The following PTPRD variants were observed in gnomAD, a reference collection of about 807,000 sequenced individuals.
The protein encoded by PTPRD is receptor-type tyrosine-protein phosphatase delta.
Under a neutral mutation model 214.5 loss-of-function variants are expected in PTPRD, and 34 were observed. The ratio of observed to expected loss-of-function variants is 0.16; its 90% CI spans 0.12 to 0.21. PTPRD has a LOEUF of 0.21. Among genes scored for constraint, PTPRD ranks in the 10% least tolerant of loss-of-function variants. The pLI is 1.00. For missense variants in PTPRD, 2,545 were observed against 2,398.7 expected (o/e 1.06, Z -1.27); for synonymous variants, 1,128 against 845.7 (o/e 1.33, Z -5.79).
At position 8,470,669 on chromosome 9, in the gene PTPRD, T is replaced by C. The variant is rs77878778; in HGVS notation, c.3504+326A>G. On this transcript the variant is annotated intron_variant, in intron 31 of 45. Transcript: ENST00000381196. ...AAGGGGACCTTGGGATTTATACCAA[T>C]GGTGATTAAGTCTTTGCTGACAATT... 7.2e-3 allele frequency among the ~76,000 whole-genome samples: 1,097 copies of C among 152,266 alleles called. 17 individuals are homozygous for C. The highest frequency in any genetic ancestry group is 0.025 in the African/African-American group (1,045 of 41,566).
chr9:9,009,489 G>A (rs1283095230), intron 11 of PTPRD, among the ~76,000 whole-genome samples: 1 of 152,038 alleles, frequency 6.6e-6, no homozygotes, highest in African/African-American at 2.4e-5. Flanking sequence ...GTAAATGTGT[G>A]CCATAGGGGT....
intron 5 of PTPRD, among the ~76,000 whole-genome samples, chr9:9,902,544 C>G (rs1036788381): frequency 2.6e-5 from 4 of 152,088 alleles, no homozygotes; most frequent in African/African-American, 7.2e-5. Flanking sequence ...GTATTTAAAA[C>G]CTCAATTTTA....
At chr9:8,626,067 A>G (rs1359157162) in intron 14 of PTPRD, among the ~76,000 whole-genome samples, 1 of 151,816 alleles carries the variant, frequency 6.6e-6, no homozygotes, top group African/African-American at 2.4e-5. Context: ...CATTTGGCAT[A>G]TCTGTGCCCT....
rs145012663 is a variant in PTPRD at position 10,123,944 on chromosome 9, G to C, written c.-544-90154C>G. 3.4e-3 allele frequency among the ~76,000 whole-genome samples: 524 copies of C among 152,260 alleles called. 2 individuals are homozygous for C. The highest frequency in any genetic ancestry group is 0.012 in the African/African-American group (492 of 41,566). On this transcript the variant is annotated intron_variant, in intron 3 of 45. Transcript: ENST00000381196. ...ATATTGATATTCATGTTACTAGTAA[G>C]CATGTGTTCTTTACAACAATTTGCC... is the stretch of plus-strand genomic sequence containing the variant.
At chr9:8,712,764 G>A (rs2098368467) in intron 12 of PTPRD, among the ~76,000 whole-genome samples, 1 of 152,146 alleles carries the variant, frequency 6.6e-6, no homozygotes, top group Non-Finnish European at 1.5e-5. Context: ...TGTTGCCCAG[G>A]CTGGAGTGCA....
intron 2 of PTPRD, among the ~76,000 whole-genome samples, chr9:10,491,568 G>C (rs1447887356): frequency 6.6e-6 from 1 of 151,686 alleles, no homozygotes; most frequent in African/African-American, 2.4e-5. Context: ...AAATTATAAA[G>C]GGCCAAATGA....
chr9:8,384,116 T>C (rs1001288825), intron 37 of PTPRD, among the ~76,000 whole-genome samples: 4 of 152,202 alleles, frequency 2.6e-5, no homozygotes, highest in African/African-American at 4.8e-5. Flanking sequence ...ACCTCGGAGA[T>C]GCCAATTCTG....
chr9:9,738,672 C>G (rs1289844914), intron 6 of PTPRD, among the ~76,000 whole-genome samples: 1 of 151,954 alleles, frequency 6.6e-6, no homozygotes, highest in Non-Finnish European at 1.5e-5. Flanking sequence ...GAACTCCTGA[C>G]CTCAAGTGAT....
In PTPRD at chr9:10,092,376, C is replaced by T. The variant is rs559306073; in HGVS notation, c.-544-58586G>A. Among the ~76,000 whole-genome samples, 12 of 151,412 alleles carry T rather than the reference C, an allele frequency of 7.9e-5. No individual in the cohort carries two copies. In the East Asian group the frequency reaches 1.6e-3, roughly 20 times the overall value. ...CTTGACAGAACATTGTAGACCAATC[C>T]ATTAATTATACAGCTGCCCCCAAAC... On this transcript the variant is annotated intron_variant, in intron 3 of 45. Coordinates refer to ENST00000381196, the MANE Select transcript of PTPRD (RefSeq NM_002839.4).
At position 9,678,382 on chromosome 9, in the gene PTPRD, T is replaced by G. The variant is rs951279087; in HGVS notation, c.-287+56151A>C. 2.6e-5 allele frequency among the ~76,000 whole-genome samples: 4 copies of G among 151,984 alleles called. No individual in the cohort carries two copies. In the South Asian group the frequency reaches 6.2e-4, roughly 24 times the overall value. On this transcript the variant is annotated intron_variant, in intron 7 of 45. Coordinates refer to ENST00000381196, the MANE Select transcript of PTPRD (RefSeq NM_002839.4). Reference sequence around the variant, plus strand: ...GTACCAAAACAGAGATATAGACCAATGGAACAGAACAAAGCCCTCAGAAAT... The same window carrying G: ...GTACCAAAACAGAGATATAGACCAAGGGAACAGAACAAAGCCCTCAGAAAT...
chr9:8,565,979 T>C (rs1173833848), intron 14 of PTPRD, among the ~76,000 whole-genome samples: 1 of 152,150 alleles, frequency 6.6e-6, no homozygotes, highest in African/African-American at 2.4e-5. Context: ...TGAAGTATTA[T>C]AGATCAAATA....
intron 7 of PTPRD, among the ~76,000 whole-genome samples, chr9:9,585,587 G>A (rs181983453): frequency 1.3e-5 from 2 of 152,072 alleles, no homozygotes; most frequent in African/African-American, 4.8e-5. Flanking sequence ...TTCTATTAGT[G>A]ACACTTCTAA....
At chr9:8,840,294 G>A (rs1267098372) in intron 11 of PTPRD, among the ~76,000 whole-genome samples, 1 of 152,134 alleles carries the variant, frequency 6.6e-6, no homozygotes, top group East Asian at 1.9e-4. Context: ...TTCCCATGCT[G>A]TTCTCGTGAT....
chr9:9,203,199 C>A (rs1002539116), intron 9 of PTPRD, among the ~76,000 whole-genome samples: 5 of 151,996 alleles, frequency 3.3e-5, no homozygotes, highest in African/African-American at 1.2e-4. Context: ...CATTATACCC[C>A]AGCCTGAGTG....
intron 44 of PTPRD, 38 bp from the exon 45 acceptor site, chr9:8,320,004 G>T: frequency 5.6e-6 from 9 of 1,604,664 alleles, no homozygotes; most frequent in Non-Finnish European, 7.7e-6. Flanking sequence ...TGGGTGAGAT[G>T]TTCACAGTCT....
chr9:10,045,048 A>G (rs987712111), intron 3 of PTPRD, among the ~76,000 whole-genome samples: 2 of 151,674 alleles, frequency 1.3e-5, no homozygotes, highest in East Asian at 1.9e-4. Flanking sequence ...ATTGCTCACT[A>G]TGTATTTTGG....
intron 3 of PTPRD, among the ~76,000 whole-genome samples, chr9:10,313,823 T>C (rs897157482): frequency 1.3e-5 from 2 of 151,894 alleles, no homozygotes; most frequent in Non-Finnish European, 1.5e-5. Flanking sequence ...TACCTTTCCC[T>C]TACTATGCAG....
chr9:10,275,656 A>C (rs751194211), intron 3 of PTPRD, among the ~76,000 whole-genome samples: 4 of 152,156 alleles, frequency 2.6e-5, no homozygotes, highest in Admixed American at 6.5e-5. Context: ...TTTCAAGGTC[A>C]AATAGAGGTA....
At chr9:9,136,477 C>A (rs549542235) in intron 10 of PTPRD, among the ~76,000 whole-genome samples, 16 of 152,050 alleles carry the variant, frequency 1.1e-4, no homozygotes, top group African/African-American at 3.6e-4. Context: ...TGGTAAAAAA[C>A]GCAATTAATG....
Sources: gnomAD v4.1 joint callset for allele counts (sites outside exome capture counted in the v4.1 genomes callset) on GRCh38, gnomAD v4.1.1 for gene constraint, MANE v1.5 for transcripts, NCBI Gene and HGNC (gene_info 2026-07-23, HGNC 2026-07-21) for gene names.